TNKS: variants seen among roughly 807,000 people sequenced by gnomAD.
The protein encoded by TNKS is tankyrase, also known as poly [ADP-ribose] polymerase tankyrase-1.
Under a neutral mutation model 135.8 loss-of-function variants are expected in TNKS, and 72 were observed. The observed-to-expected ratio is 0.53, with a 90% CI of 0.44 to 0.64. The LOEUF (loss-of-function observed/expected upper bound fraction) is 0.64, where lower values mean the gene tolerates loss of function less well. Among genes scored for constraint, TNKS ranks in the 30% least tolerant of loss-of-function variants. The pLI is 0.00. For synonymous variants in TNKS, 849 were observed against 649.3 expected (o/e 1.31, Z -4.68); for missense variants, 1,769 against 1,674.0 (o/e 1.06, Z -0.99).
chr8:9,605,984 G>T (rs1799201715), intron 2 of TNKS, among the ~76,000 whole-genome samples: 1 of 151,778 alleles, frequency 6.6e-6, no homozygotes, highest in African/African-American at 2.4e-5. Context: ...TTAAGGCTTA[G>T]TTTCTTTTTC....
chr8:9,776,463 G>A (rs868250035), intron 26 of TNKS, among the ~76,000 whole-genome samples, 187 bp from the exon 27 acceptor site: 1 of 152,198 alleles, frequency 6.6e-6, no homozygotes, highest in Non-Finnish European at 1.5e-5. Flanking sequence ...TTTCTAGATT[G>A]TAGGGTTTAT....
At chr8:9,600,342 C>T (rs936506920) in intron 2 of TNKS, among the ~76,000 whole-genome samples, 1 of 152,122 alleles carries the variant, frequency 6.6e-6, no homozygotes, top group Non-Finnish European at 1.5e-5. Flanking sequence ...GAGATGGGGT[C>T]TCACTCTGTC....
chr8:9,696,757 T>G (rs560554400), intron 5 of TNKS, among the ~76,000 whole-genome samples: 280 of 152,036 alleles, frequency 1.8e-3, no homozygotes, highest in Non-Finnish European at 3.3e-3. Context: ...AGATGAAAGA[T>G]CTCTACAAGG....
chr8:9,682,748 A>G (rs61254884), intron 5 of TNKS, among the ~76,000 whole-genome samples: 60 of 152,144 alleles, frequency 3.9e-4, no homozygotes, highest in African/African-American at 1.4e-3. Context: ...ACCCTTTGCC[A>G]TTTAGAAAAT....
At chr8:9,763,815 C>T (rs1298095302) in intron 22 of TNKS, among the ~76,000 whole-genome samples, 1 of 152,124 alleles carries the variant, frequency 6.6e-6, no homozygotes, top group Non-Finnish European at 1.5e-5. Context: ...AACAAACAGC[C>T]TAATGCCATT....
At chr8:9,605,532 A>G (rs1799183858) in intron 2 of TNKS, among the ~76,000 whole-genome samples, 1 of 152,120 alleles carries the variant, frequency 6.6e-6, no homozygotes, top group Admixed American at 6.5e-5. Context: ...TAGGACATAC[A>G]GTAGTGTATA....
chr8:9,755,773 G>A (rs1806802651), intron 20 of TNKS, among the ~76,000 whole-genome samples: 1 of 152,166 alleles, frequency 6.6e-6, no homozygotes, highest in Admixed American at 6.5e-5. Flanking sequence ...CTCATTGCCT[G>A]TGTTCCTACT....
At chr8:9,621,747 C>T (rs1469460898) in intron 3 of TNKS, among the ~76,000 whole-genome samples, 3 of 152,082 alleles carry the variant, frequency 2.0e-5, no homozygotes, top group African/African-American at 7.2e-5. Context: ...TAAAGAATTA[C>T]TTATCAGTTA....
At chr8:9,573,913 T>C (rs1279451289) in intron 1 of TNKS, among the ~76,000 whole-genome samples, 1 of 152,228 alleles carries the variant, frequency 6.6e-6, no homozygotes, top group Non-Finnish European at 1.5e-5. Flanking sequence ...TTATATGATT[T>C]AATATTGGCC....
At chr8:9,653,068 C>T (rs1801203653) in intron 3 of TNKS, among the ~76,000 whole-genome samples, 1 of 152,096 alleles carries the variant, frequency 6.6e-6, no homozygotes, top group Non-Finnish European at 1.5e-5. Flanking sequence ...TGGACATGTT[C>T]ACCTGCCCAT....
At chr8:9,738,940 A>G (rs577696900) in intron 17 of TNKS, among the ~76,000 whole-genome samples, 425 of 151,382 alleles carry the variant, frequency 2.8e-3, no homozygotes, top group Non-Finnish European at 4.7e-3. Context: ...GCTGAGTTCA[A>G]TTCCTGGGTA....
intron 2 of TNKS, among the ~76,000 whole-genome samples, chr8:9,592,765 CTG>C (rs1798635106): frequency 6.6e-6 from 1 of 152,124 alleles, no homozygotes; most frequent in African/African-American, 2.4e-5. Flanking sequence ...TTATATTACT[CTG>C]TGTTACATGG....
At chr8:9,589,949 A>T (rs1001579343) in intron 2 of TNKS, among the ~76,000 whole-genome samples, 2 of 152,204 alleles carry the variant, frequency 1.3e-5, no homozygotes, top group African/African-American at 4.8e-5. Flanking sequence ...TCCTCTGTTC[A>T]TGTGCATGCT....
At chr8:9,759,408 C>A (rs1212833347) in intron 20 of TNKS, among the ~76,000 whole-genome samples, 1 of 152,204 alleles carries the variant, frequency 6.6e-6, no homozygotes, top group South Asian at 2.1e-4. Context: ...AGTGAAGACA[C>A]AAATGCCAGG....
chr8:9,592,217 A>G (rs1798614667), intron 2 of TNKS, among the ~76,000 whole-genome samples: 1 of 152,184 alleles, frequency 6.6e-6, no homozygotes, highest in African/African-American at 2.4e-5. Flanking sequence ...CTTTCCACAA[A>G]CGAAGACTTA....
chr8:9,682,453 A>G (rs987100507), intron 5 of TNKS, among the ~76,000 whole-genome samples: 2 of 152,176 alleles, frequency 1.3e-5, no homozygotes, highest in African/African-American at 4.8e-5. Context: ...ACACAAATGT[A>G]TAGAACTCAT....
intron 2 of TNKS, among the ~76,000 whole-genome samples, chr8:9,583,411 A>G (rs1397390333): frequency 6.6e-6 from 1 of 152,122 alleles, no homozygotes; most frequent in African/African-American, 2.4e-5. Context: ...TTTAGAACTT[A>G]TTTATCTTTG....
chr8:9,751,363 G>T (rs555168660), intron 18 of TNKS, among the ~76,000 whole-genome samples: 39 of 152,128 alleles, frequency 2.6e-4, no homozygotes, highest in Non-Finnish European at 5.0e-4. Context: ...AGTTAACACT[G>T]AAAGTGCTTT....
At chr8:9,687,175 G>A (rs1401689051) in intron 5 of TNKS, among the ~76,000 whole-genome samples, 2 of 152,006 alleles carry the variant, frequency 1.3e-5, no homozygotes, top group Non-Finnish European at 2.9e-5. Flanking sequence ...GCCAAATCTT[G>A]GTAGATAAAA....
Sources: gnomAD v4.1 joint callset for allele counts (sites outside exome capture counted in the v4.1 genomes callset) on GRCh38, gnomAD v4.1.1 for gene constraint, MANE v1.5 for transcripts, NCBI Gene and HGNC (gene_info 2026-07-23, HGNC 2026-07-21) for gene names.